The following FUT2 variants were observed in gnomAD, a reference collection of about 807,000 sequenced individuals.
FUT2 encodes galactoside alpha-(1,2)-fucosyltransferase 2.
For missense variants in FUT2, 419 were observed against 465.8 expected, an observed-to-expected ratio of 0.90 and a Z score of 0.93; for synonymous variants, 182 against 193.1, an observed-to-expected ratio of 0.94 and a Z score of 0.48.
chr19:48,698,666 T>A (rs907287286), intron 1 of FUT2, among the ~76,000 whole-genome samples: 1 of 151,970 alleles, frequency 6.6e-6, no homozygotes, highest in Non-Finnish European at 1.5e-5. Context: ...GCTTTCAAAC[T>A]CCTGACCTCA....
chr19:48,698,185 A>C (rs890100427), intron 1 of FUT2, among the ~76,000 whole-genome samples: 2 of 151,942 alleles, frequency 1.3e-5, no homozygotes, highest in Non-Finnish European at 2.9e-5. Flanking sequence ...AAAGTCACAC[A>C]GCACATAAAA....
rs1226933974 is a variant in FUT2 at position 48,703,776 on chromosome 19, G to T, written c.820G>T (p.Asp274Tyr). 6.2e-7 allele frequency: 1 copy of T among 1,613,534 alleles called. No individual in the cohort carries two copies. Among genetic ancestry groups the T allele is most frequent in the African/African-American group, 1.3e-5 (1 of 74,908 alleles). ...GDGIEGSPAK[D>Y]FALLTQCNHT... ...TGGCATTGAGGGCTCACCTGCCAAA[G>T]ATTTTGCTCTACTCACACAGTGTAA... is the stretch of plus-strand genomic sequence containing the variant. The change falls in exon 2 of 2, where the codon GAT (aspartate) becomes TAT (tyrosine). Residue 274 changes from aspartate to tyrosine, a missense_variant. Asp to Tyr is a radical substitution (Grantham distance 160). Transcript: ENST00000425340.
Position 48,705,851 on chromosome 19 carries a change from C to T in FUT2, c.*1863C>T, listed in dbSNP as rs1401322567. 1 of 166,402 alleles carries T rather than the reference C, an allele frequency of 6.0e-6. No individual in the cohort carries two copies. The highest frequency in any genetic ancestry group is 2.0e-4 in the East Asian group (1 of 5,124). 10.3% of individuals were successfully genotyped at this position (166,402 alleles called of 1,614,324 possible). A position where few individuals can be genotyped will look rare whatever the true frequency, so the allele number is the denominator to read the frequency against. The stretch of plus-strand genomic sequence containing the variant: ...GGGAATATAGTGCACCGTGATTGGA[C>T]TTGCGAATAGCCACTGCACTGCGGC... On this transcript the variant is annotated 3_prime_UTR_variant, in exon 2 of 2. Coordinates refer to ENST00000425340, the MANE Select transcript of FUT2 (RefSeq NM_000511.6).
chr19:48,703,888 TC>T lies in FUT2; in HGVS notation c.936del (p.Asp313ThrfsTer49). On this transcript the variant is annotated frameshift_variant, in exon 2 of 2. Coordinates refer to ENST00000425340, the MANE Select transcript of FUT2 (RefSeq NM_000511.6). LOFTEE classifies it high-confidence loss of function. ...ACCATCTACCTGGCCAATTACACCC[TC>T]CCCGACTCCCCTTTCCTCAAAATCT... Reference protein sequence around the residue: ...GDTIYLANYTLPDSPFLKIFK... With the variant: ...GDTIYLANYTXPDSPFLKIFK... 1 of 1,613,552 alleles carries T rather than the reference TC, an allele frequency of 6.2e-7. No homozygotes were observed. Among genetic ancestry groups the T allele is most frequent in the Non-Finnish European group, 8.5e-7 (1 of 1,179,994 alleles).
intron 1 of FUT2, among the ~76,000 whole-genome samples, chr19:48,700,231 C>T (rs1259859723): frequency 6.6e-6 from 1 of 151,164 alleles, no homozygotes; most frequent in Non-Finnish European, 1.5e-5. Context: ...TCACACAAGA[C>T]TGCAAGCGGA....
intron 1 of FUT2, 47 bp from the exon 2 acceptor site, chr19:48,702,908 G>C: frequency 6.3e-7 from 1 of 1,590,842 alleles, no homozygotes; most frequent in Non-Finnish European, 8.6e-7. Context: ...CCAGCGCCCC[G>C]GGCCTCCATC....
rs762705610 is a variant in FUT2 at position 48,703,008 on chromosome 19, T to C, written c.52T>C (p.Phe18Leu). ...FSFPMAHFIL[F>L]VFTVSTIFHV... Reference sequence around the variant, plus strand: ...CTTTCCCATGGCCCACTTCATCCTCTTTGTCTTTACGGTTTCCACTATATT... The same window carrying C: ...CTTTCCCATGGCCCACTTCATCCTCCTTGTCTTTACGGTTTCCACTATATT... The change falls in exon 2 of 2, where the codon TTT (phenylalanine) becomes CTT (leucine). Residue 18 changes from phenylalanine to leucine, a missense_variant. Phe to Leu is a conservative substitution (Grantham distance 22, BLOSUM62 0). Coordinates refer to ENST00000425340, the MANE Select transcript of FUT2 (RefSeq NM_000511.6). 3.1e-6 allele frequency: 5 copies of C among 1,613,066 alleles called. No individual in the cohort carries two copies. The highest frequency in any genetic ancestry group is 1.7e-6 in the Non-Finnish European group (2 of 1,179,968).
intron 1 of FUT2, 73 bp downstream of exon 1, chr19:48,696,162 G>C (rs1042565902): frequency 2.6e-5 from 4 of 152,418 alleles, no homozygotes; most frequent in African/African-American, 7.2e-5. Flanking sequence ...GCAGGGATTT[G>C]GGACGTGGAC....
chr19:48,703,383 G>C lies in FUT2; in HGVS notation c.427G>C (p.Glu143Gln). ...MEEEYRHIPG[E>Q]YVRFTGYPCS... ...GGAGGAATACCGCCACATCCCGGGG[G>C]AGTACGTCCGCTTCACCGGCTACCC... The change falls in exon 2 of 2, where the codon GAG becomes CAG. Residue 143 changes from glutamate (E) to glutamine (Q), a missense_variant. Physicochemically the swap from Glu to Gln is conservative, Grantham distance 29. Coordinates refer to ENST00000425340, the MANE Select transcript of FUT2 (RefSeq NM_000511.6). The C allele has an allele frequency of 9.9e-6, 16 of 1,613,094 alleles. No individual in the cohort carries two copies. The highest frequency in any genetic ancestry group is 1.3e-5 in the Non-Finnish European group (15 of 1,179,954).
In FUT2 at chr19:48,700,239, G is replaced by A. The variant is rs146673059; in HGVS notation, c.-2-2716G>A. ...ATACATATCACACAAGACTGCAAGC[G>A]GACCAGGGTCAGTTAATTTAGCGGC... On this transcript the variant is annotated intron_variant, in intron 1 of 1. Coordinates refer to ENST00000425340, the MANE Select transcript of FUT2 (RefSeq NM_000511.6). 1.5e-3 allele frequency among the ~76,000 whole-genome samples: 233 copies of A among 151,694 alleles called. 1 individual carries two copies. The highest frequency in any genetic ancestry group is 5.2e-3 in the African/African-American group (217 of 41,400).
At position 48,703,479 on chromosome 19, in the gene FUT2, C is replaced by T. The variant is rs370762118; in HGVS notation, c.523C>T (p.Arg175Trp). 140 of 1,612,906 alleles carry T rather than the reference C, an allele frequency of 8.7e-5. 5 individuals are homozygous for T. The South Asian group carries it at 9.0e-4, about 10-fold the overall frequency. The change falls in exon 2 of 2, where the codon CGG becomes TGG. Residue 175 changes from arginine to tryptophan, a missense_variant. Arg to Trp is a moderately radical substitution (Grantham distance 101, BLOSUM62 -3). Coordinates refer to ENST00000425340, the MANE Select transcript of FUT2 (RefSeq NM_000511.6). ...LQEFTLHDHVREEAQKFLRGL... is the reference protein window; with the variant it reads ...LQEFTLHDHVWEEAQKFLRGL... ...GGAGTTCACCCTGCACGACCACGTG[C>T]GGGAGGAGGCCCAGAAGTTCCTGCG...
Position 48,704,791 on chromosome 19 carries a change from A to G in FUT2, c.*803A>G, listed in dbSNP as rs28362842. The G allele has an allele frequency of 8.4e-3, 3,477 of 413,240 alleles. 92 individuals are homozygous for G. The highest frequency in any genetic ancestry group is 0.061 in the African/African-American group (2,958 of 48,670). 25.6% of individuals were successfully genotyped at this position (413,240 alleles called of 1,614,324 possible). A position where few individuals can be genotyped will look rare whatever the true frequency, so the allele number is the denominator to read the frequency against. ...GTAGGAATTGTCACATACCCATGTG[A>G]CCCGATAGGAGGCAAAAGAAATGAG... is the stretch of plus-strand genomic sequence containing the variant. On this transcript the variant is annotated 3_prime_UTR_variant, in exon 2 of 2. Coordinates refer to ENST00000425340, the MANE Select transcript of FUT2 (RefSeq NM_000511.6).
chr19:48,705,028 G>C lies in FUT2; in HGVS notation c.*1040G>C, dbSNP rs1047856260. 1 of 389,320 alleles carries C rather than the reference G, an allele frequency of 2.6e-6. No individual in the cohort carries two copies. Among genetic ancestry groups the C allele is most frequent in the African/African-American group, 2.1e-5 (1 of 47,648 alleles). The allele number at this position is 389,320 out of a possible 1,614,324, so 24.1% of individuals were successfully genotyped here. On this transcript the variant is annotated 3_prime_UTR_variant, in exon 2 of 2. Transcript: ENST00000425340. ...TAAGAAGGCAAGTGGGGTTTAAACA[G>C]ACCCACAGTCTACTCATCAAACCAG...
At position 48,704,404 on chromosome 19, in the gene FUT2, A is replaced by T. The variant is rs181245327; in HGVS notation, c.*416A>T. Reference sequence around the variant, plus strand: ...GCCGCTGCACTCCAGTCTGGGTGACACAGCAAGACTCCATCTCAAAAAAAA... The same window carrying T: ...GCCGCTGCACTCCAGTCTGGGTGACTCAGCAAGACTCCATCTCAAAAAAAA... On this transcript the variant is annotated 3_prime_UTR_variant, in exon 2 of 2. Coordinates refer to ENST00000425340, the MANE Select transcript of FUT2 (RefSeq NM_000511.6). The T allele has an allele frequency of 1.7e-5, 4 of 230,212 alleles. No individual in the cohort carries two copies. In the East Asian group the frequency reaches 3.5e-4, roughly 20 times the overall value. 14.3% of individuals were successfully genotyped at this position (230,212 alleles called of 1,614,324 possible).
At chr19:48,697,046 A>G (rs2032423755) in intron 1 of FUT2, among the ~76,000 whole-genome samples, 1 of 152,048 alleles carries the variant, frequency 6.6e-6, no homozygotes, top group Admixed American at 6.6e-5. Flanking sequence ...CCGGGCCGCA[A>G]TAGAAAGACG....
In FUT2 at chr19:48,703,977, C is replaced by T. The variant is rs778403626; in HGVS notation, c.1021C>T (p.Leu341Phe). Residue 341 changes from leucine (L) to phenylalanine (F), a missense_variant, in exon 2 of 2, where the codon CTC (leucine) becomes TTC (phenylalanine). Leu to Phe is a conservative substitution (Grantham distance 22). Transcript: ENST00000425340. ...TGIAADLSPL[L>F]KH Reference sequence around the variant, plus strand: ...GATTGCCGCAGACCTGTCCCCCTTACTCAAGCACTAATGCTGGCCCATTCT... The same window carrying T: ...GATTGCCGCAGACCTGTCCCCCTTATTCAAGCACTAATGCTGGCCCATTCT... 1.2e-6 allele frequency: 2 copies of T among 1,613,438 alleles called. 1 individual carries two copies. Among genetic ancestry groups the T allele is most frequent in the South Asian group, 2.2e-5 (2 of 90,598 alleles).
chr19:48,699,870 G>A (rs149024003), intron 1 of FUT2, among the ~76,000 whole-genome samples: 17 of 151,990 alleles, frequency 1.1e-4, no homozygotes, highest in African/African-American at 3.9e-4. Flanking sequence ...TAGAATTTGT[G>A]AGGCCAGGCA....
intron 1 of FUT2, among the ~76,000 whole-genome samples, chr19:48,700,580 C>T (rs1434474770): frequency 6.6e-6 from 1 of 152,040 alleles, no homozygotes; most frequent in Admixed American, 6.6e-5. Flanking sequence ...ATCCGCCCGC[C>T]TTGGCCTCCC....
intron 1 of FUT2, among the ~76,000 whole-genome samples, chr19:48,697,081 G>C (rs112015904): frequency 0.03 from 4,485 of 151,934 alleles, 218 homozygotes; most frequent in African/African-American, 0.1. Flanking sequence ...CGTGGTGGCT[G>C]ACGCCTGTAA....
Sources: gnomAD v4.1 joint callset for allele counts (sites outside exome capture counted in the v4.1 genomes callset) on GRCh38, gnomAD v4.1.1 for gene constraint, MANE v1.5 for transcripts, NCBI Gene and HGNC (gene_info 2026-07-23, HGNC 2026-07-21) for gene names.